The following MIPOL1 variants were observed in gnomAD, a reference collection of about 807,000 sequenced individuals.
MIPOL1 encodes mirror-image polydactyly gene 1 protein.
MIPOL1 carries 57 observed loss-of-function variants against 60.9 expected under a neutral mutation model. The observed-to-expected ratio is 0.94, with a 90% CI of 0.76 to 1.17. The LOEUF (loss-of-function observed/expected upper bound fraction) is 1.17, where lower values mean the gene tolerates loss of function less well. Among genes scored for constraint, MIPOL1 ranks in the 50% most tolerant of loss-of-function variants. The probability of loss-of-function intolerance (pLI) is 0.00; values close to 1 mark genes in which losing one functional copy is unlikely to be tolerated. For missense variants in MIPOL1, 551 were observed against 511.6 expected, an observed-to-expected ratio of 1.08 and a Z score of -0.74; for synonymous variants, 179 against 168.8, an observed-to-expected ratio of 1.06 and a Z score of -0.47.
At chr14:37,526,507 C>T (rs1485932832) in intron 12 of MIPOL1, among the ~76,000 whole-genome samples, 2 of 150,326 alleles carry the variant, frequency 1.3e-5, no homozygotes, top group Non-Finnish European at 3.0e-5. Flanking sequence ...GTAGCTGGGA[C>T]TACAGGCGCC....
At chr14:37,241,574 G>T (rs902118359) in intron 1 of MIPOL1, among the ~76,000 whole-genome samples, 1 of 150,340 alleles carries the variant, frequency 6.7e-6, no homozygotes, top group African/African-American at 2.4e-5. Flanking sequence ...GGCAGGGTGT[G>T]GGGGTGAGGG....
intron 10 of MIPOL1, among the ~76,000 whole-genome samples, chr14:37,419,266 A>G (rs2093826499): frequency 6.6e-6 from 1 of 152,228 alleles, no homozygotes; most frequent in African/African-American, 2.4e-5. Context: ...ATACTGTGTG[A>G]TTCTATTTAT....
chr14:37,314,756 A>G (rs890985685), intron 9 of MIPOL1, among the ~76,000 whole-genome samples: 4 of 152,174 alleles, frequency 2.6e-5, no homozygotes, highest in African/African-American at 9.7e-5. Context: ...GCATGAAGAT[A>G]GAAGCTGTTT....
In MIPOL1 at chr14:37,551,177, A is replaced by G. The variant is rs2095560909; in HGVS notation, c.*4206A>G. ...TTCTGGACTATCTGATTATTAACAA[A>G]GATGTATTTTAATGCACAAACTCAA... On this transcript the variant is annotated 3_prime_UTR_variant, in exon 13 of 13. Coordinates refer to ENST00000684589, the MANE Select transcript of MIPOL1 (RefSeq NM_001388067.1). 2 of 152,162 alleles carry G rather than the reference A, an allele frequency of 1.3e-5. No individual in the cohort carries two copies. The highest frequency in any genetic ancestry group is 2.4e-5 in the African/African-American group (1 of 41,462). 9.4% of individuals were successfully genotyped at this position (152,162 alleles called of 1,614,324 possible).
At chr14:37,231,687 C>CA (rs1224277316) in intron 1 of MIPOL1, among the ~76,000 whole-genome samples, 2 of 151,998 alleles carry the variant, frequency 1.3e-5, no homozygotes, top group Admixed American at 1.3e-4. Context: ...TTATAAAAAG[C>CA]ATTCTCTCTA....
rs1301413971 is a variant in MIPOL1, at chr14:37,482,408, C to A, written c.1032-17500C>A. 5.9e-5 allele frequency among the ~76,000 whole-genome samples: 9 copies of A among 152,092 alleles called. No homozygotes were observed. The East Asian group carries it at 7.7e-4, about 13-fold the overall frequency. On this transcript the variant is annotated intron_variant, in intron 11 of 12. Coordinates refer to ENST00000684589, the MANE Select transcript of MIPOL1 (RefSeq NM_001388067.1). The stretch of plus-strand genomic sequence containing the variant: ...AGTCAGCATGGCTGTTGTATTAGTC[C>A]ATTTTCACACTGCTGTCAAGAACTG...
chr14:37,533,855 T>A (rs1475435035), intron 12 of MIPOL1, among the ~76,000 whole-genome samples: 1 of 152,042 alleles, frequency 6.6e-6, no homozygotes, highest in Admixed American at 6.6e-5. Flanking sequence ...TTCTTTTTTC[T>A]TCTGACAAAT....
At chr14:37,303,434 G>A (rs545043823) in intron 7 of MIPOL1, among the ~76,000 whole-genome samples, 1 of 151,832 alleles carries the variant, frequency 6.6e-6, no homozygotes, top group South Asian at 2.1e-4. Context: ...TCAGAACTTC[G>A]ATTAAACTGA....
intron 1 of MIPOL1, among the ~76,000 whole-genome samples, chr14:37,221,552 A>G (rs1463242173): frequency 1.3e-5 from 2 of 152,124 alleles, no homozygotes; most frequent in Non-Finnish European, 2.9e-5. Context: ...GGCTGGGGAG[A>G]CTTCAGGAAA....
In MIPOL1 at chr14:37,499,893, T is replaced by A; in HGVS notation, c.1032-15T>A. ...TACATTACTTATCTTTAAATTTTTT[T>A]TAATATTTTCTCAGTTTACACAAAT... On this transcript the variant is annotated splice_polypyrimidine_tract_variant and intron_variant, in intron 11 of 12. Transcript: ENST00000684589. 1 of 1,420,328 alleles carries A rather than the reference T, an allele frequency of 7.0e-7. No homozygotes were observed. The highest frequency in any genetic ancestry group is 1.3e-5 in the South Asian group (1 of 76,118). 88.0% of individuals were successfully genotyped at this position (1,420,328 alleles called of 1,614,324 possible).
intron 1 of MIPOL1, among the ~76,000 whole-genome samples, chr14:37,236,241 A>C (rs61988307): frequency 1.3e-5 from 2 of 151,740 alleles, no homozygotes; most frequent in Non-Finnish European, 2.9e-5. Context: ...TTTTTTGATA[A>C]TAGTCATCTT....
chr14:37,297,587 G>A (rs1008761879), intron 7 of MIPOL1, among the ~76,000 whole-genome samples: 4 of 152,108 alleles, frequency 2.6e-5, no homozygotes, highest in African/African-American at 9.7e-5. Flanking sequence ...TCCTTAAGCT[G>A]ATAAGCAACT....
chr14:37,327,052 A>C (rs1332042961), intron 9 of MIPOL1, among the ~76,000 whole-genome samples: 1 of 152,200 alleles, frequency 6.6e-6, no homozygotes, highest in Non-Finnish European at 1.5e-5. Flanking sequence ...GACAAGAGTA[A>C]TAACCAATAA....
chr14:37,292,230 T>A lies in MIPOL1; in HGVS notation c.623+6783T>A, dbSNP rs143422549. Reference sequence around the variant, plus strand: ...GTGAAGCGAAGCCACCACGCCCAGCTGGCAGTTAAATTTTAACATGAGTTT... The same window carrying A: ...GTGAAGCGAAGCCACCACGCCCAGCAGGCAGTTAAATTTTAACATGAGTTT... On this transcript the variant is annotated intron_variant, in intron 7 of 12. Transcript: ENST00000684589. Among the ~76,000 whole-genome samples the A allele has an allele frequency of 9.9e-3, 1,505 of 151,950 alleles. 16 individuals carry two copies. Among genetic ancestry groups the A allele is most frequent in the Non-Finnish European group, 0.011 (717 of 67,944 alleles).
rs370925382 is a variant in MIPOL1 at position 37,415,231 on chromosome 14, G to A, written c.937-7624G>A. ...TGTGCCTCCAGGAAAGGTTTGGATG[G>A]CATCTTAAAATAAACTATATGAGTT... On this transcript the variant is annotated intron_variant, in intron 10 of 12. Coordinates refer to ENST00000684589, the MANE Select transcript of MIPOL1 (RefSeq NM_001388067.1). Among the ~76,000 whole-genome samples the A allele has an allele frequency of 8.5e-5, 13 of 152,108 alleles. No homozygotes were observed. The East Asian group carries it at 1.5e-3, about 18-fold the overall frequency.
At chr14:37,287,880 C>T (rs2084709475) in intron 7 of MIPOL1, among the ~76,000 whole-genome samples, 1 of 151,352 alleles carries the variant, frequency 6.6e-6, no homozygotes, top group Non-Finnish European at 1.5e-5. Context: ...CTGCCTGCCT[C>T]AGCCTCCCAA....
At chr14:37,489,342 A>AT (rs1242314217) in intron 11 of MIPOL1, among the ~76,000 whole-genome samples, 1 of 152,038 alleles carries the variant, frequency 6.6e-6, no homozygotes, top group Non-Finnish European at 1.5e-5. Context: ...TCTAGTTAGC[A>AT]TTTCCTCTAA....
chr14:37,241,679 G>A lies in MIPOL1; in HGVS notation c.-198-5424G>A, dbSNP rs185774868. 4.5e-4 allele frequency among the ~76,000 whole-genome samples: 68 copies of A among 152,156 alleles called. 2 individuals carry two copies. In the East Asian group the frequency reaches 0.013, roughly 28 times the overall value. ...TCATGGTAATTTTTTGAACACTGAA[G>A]CATAAAGGGGAACTATCTGTGATAG... On this transcript the variant is annotated intron_variant, in intron 1 of 12. Coordinates refer to ENST00000684589, the MANE Select transcript of MIPOL1 (RefSeq NM_001388067.1).
chr14:37,232,758 G>T (rs1194196495), intron 1 of MIPOL1, among the ~76,000 whole-genome samples: 3 of 152,036 alleles, frequency 2.0e-5, no homozygotes, highest in African/African-American at 7.2e-5. Flanking sequence ...GTCAGTTGGG[G>T]CCTTTAAATC....
Sources: allele counts gnomAD v4.1 joint callset (sites outside exome capture counted in the v4.1 genomes callset), GRCh38; gene constraint gnomAD v4.1.1; transcripts MANE v1.5; gene names NCBI Gene and HGNC (gene_info 2026-07-23, HGNC 2026-07-21).